The following SRD5A3 variants were observed in gnomAD, a reference collection of about 807,000 sequenced individuals.
SRD5A3 encodes the protein polyprenal reductase.
SRD5A3 carries 24 observed loss-of-function variants against 34.3 expected under a neutral mutation model. That is an observed-to-expected ratio of 0.70 (90% confidence interval 0.51 to 0.99). The LOEUF (loss-of-function observed/expected upper bound fraction) is 0.99, where lower values mean the gene tolerates loss of function less well. Ranked by LOEUF, SRD5A3 falls within the 50% of genes least tolerant of loss-of-function variation. The pLI is 0.00. For missense variants in SRD5A3, 350 were observed against 388.2 expected, an observed-to-expected ratio of 0.90 and a Z score of 0.83; for synonymous variants, 161 against 167.3, an observed-to-expected ratio of 0.96 and a Z score of 0.29.
chr4:55,359,598 G>C (rs1377718388), intron 2 of SRD5A3, 110 bp downstream of exon 2: 2 of 1,440,060 alleles, frequency 1.4e-6, no homozygotes, highest in Non-Finnish European at 9.5e-7. Flanking sequence ...TCCTCAGAAG[G>C]GCCTGGGAAG....
intron 2 of SRD5A3, among the ~76,000 whole-genome samples, chr4:55,360,523 A>G (rs910220049): frequency 4.6e-5 from 7 of 152,078 alleles, no homozygotes; most frequent in African/African-American, 1.7e-4. Flanking sequence ...ATAAATAAAT[A>G]AATGAATAAA....
chr4:55,349,333 G>T (rs995979957), intron 1 of SRD5A3, among the ~76,000 whole-genome samples: 1 of 152,182 alleles, frequency 6.6e-6, no homozygotes, highest in African/African-American at 2.4e-5. Context: ...ACTGCACCCG[G>T]CCCTCTAGCA....
At position 55,354,585 on chromosome 4, in the gene SRD5A3, G is replaced by A. The variant is rs116212695; in HGVS notation, c.222-4761G>A. On this transcript the variant is annotated intron_variant, in intron 1 of 4. Transcript: ENST00000264228. ...TCTCTGCTAGTTCTCTCTCTTACCT[G>A]CACTGCCTGTTTCACTCTACCTGGA... Among the ~76,000 whole-genome samples, 1,089 of 152,118 alleles carry A rather than the reference G, an allele frequency of 7.2e-3. 11 individuals carry two copies. The highest frequency in any genetic ancestry group is 0.024 in the African/African-American group (999 of 41,504).
At chr4:55,348,364 T>A (rs1484541907) in intron 1 of SRD5A3, among the ~76,000 whole-genome samples, 1 of 152,186 alleles carries the variant, frequency 6.6e-6, no homozygotes, top group Non-Finnish European at 1.5e-5. Flanking sequence ...GCATCAAAAC[T>A]GGCAGTGTCT....
At chr4:55,352,133 T>C in intron 1 of SRD5A3, 1 of 818,836 alleles carries the variant, frequency 1.2e-6, no homozygotes, top group Non-Finnish European at 2.2e-6. Context: ...ATACAGACAG[T>C]CCATCATTGA....
chr4:55,367,472 A>G, intron 3 of SRD5A3, 116 bp from the exon 4 acceptor site: 1 of 1,205,938 alleles, frequency 8.3e-7, no homozygotes, highest in Non-Finnish European at 1.2e-6. Context: ...AAATTATATT[A>G]GGATATTGAG....
At chr4:55,349,374 T>G in intron 1 of SRD5A3, among the ~76,000 whole-genome samples, 1 of 152,172 alleles carries the variant, frequency 6.6e-6, no homozygotes, top group African/African-American at 2.4e-5. Flanking sequence ...AAGTTCATAA[T>G]TGCTACAGTT....
chr4:55,351,959 A>G (rs1560365968), intron 1 of SRD5A3: 8 of 744,432 alleles, frequency 1.1e-5, no homozygotes, highest in Non-Finnish European at 2.0e-5. Context: ...ACTTATGCTG[A>G]ATTACTCTCT....
At chr4:55,357,414 C>T (rs1377854809) in intron 1 of SRD5A3, among the ~76,000 whole-genome samples, 2 of 152,230 alleles carry the variant, frequency 1.3e-5, no homozygotes, top group Non-Finnish European at 2.9e-5. Context: ...TGCAGAACAG[C>T]ATGTTCTTGA....
Position 55,346,360 on chromosome 4 carries a change from G to A in SRD5A3, c.24G>A (p.Glu8=). Residue 8 remains glutamate (E), a synonymous_variant, in exon 1 of 5, where the codon GAG becomes GAA. Transcript: ENST00000264228. ...CCATGGCTCCCTGGGCGGAGGCCGA[G>A]CACTCGGCGCTGAACCCGCTGCGCG... is the stretch of plus-strand genomic sequence containing the variant. The part of the protein sequence containing the change: MAPWAEA[E]HSALNPLRAV... 16 of 1,531,896 alleles carry A rather than the reference G, an allele frequency of 1.0e-5. No homozygotes were observed. The highest frequency in any genetic ancestry group is 1.4e-5 in the Non-Finnish European group (16 of 1,141,756). 94.9% of individuals were successfully genotyped at this position (1,531,896 alleles called of 1,614,324 possible). A position where few individuals can be genotyped will look rare whatever the true frequency, so the allele number is the denominator to read the frequency against.
At position 55,346,387 on chromosome 4, in the gene SRD5A3, G is replaced by T. The variant is rs201123766; in HGVS notation, c.51G>T (p.Ala17=). Residue 17 remains alanine, a synonymous_variant, in exon 1 of 5, where the codon GCG becomes GCT. Coordinates refer to ENST00000264228, the MANE Select transcript of SRD5A3 (RefSeq NM_024592.5). ...AEHSALNPLR[A]VWLTLTAAFL... The stretch of plus-strand genomic sequence containing the variant: ...ACTCGGCGCTGAACCCGCTGCGCGC[G>T]GTGTGGCTCACGCTGACCGCCGCCT... 4.3e-5 allele frequency: 67 copies of T among 1,575,952 alleles called. No individual in the cohort carries two copies. In the African/African-American group the frequency reaches 8.6e-4, roughly 20 times the overall value.
chr4:55,353,545 C>T (rs925042745), intron 1 of SRD5A3, among the ~76,000 whole-genome samples: 1 of 152,244 alleles, frequency 6.6e-6, no homozygotes, highest in Non-Finnish European at 1.5e-5. Flanking sequence ...GGGTCCCCTT[C>T]TACCCTGTGG....
intron 1 of SRD5A3, among the ~76,000 whole-genome samples, chr4:55,349,285 C>T (rs753452805): frequency 6.6e-5 from 10 of 152,198 alleles, no homozygotes; most frequent in Non-Finnish European, 1.3e-4. Context: ...ATCCACCCAC[C>T]TTGGCCTCCC....
chr4:55,351,484 A>G (rs1428188665), intron 1 of SRD5A3, among the ~76,000 whole-genome samples: 1 of 152,002 alleles, frequency 6.6e-6, no homozygotes, highest in Non-Finnish European at 1.5e-5. Flanking sequence ...AGGCTGAGGC[A>G]TATTTTTCTG....
intron 3 of SRD5A3, 190 bp downstream of exon 3, chr4:55,364,461 A>T: frequency 1.5e-6 from 1 of 647,032 alleles, no homozygotes; most frequent in Non-Finnish European, 2.7e-6. Context: ...CTGTAATCCC[A>T]CCACTTTGGG....
rs772068226 is a variant in SRD5A3, at chr4:55,346,565, C to T, written c.221+8C>T. The T allele has an allele frequency of 6.4e-7, 1 of 1,571,528 alleles. No homozygotes were observed. Among genetic ancestry groups the T allele is most frequent in the Non-Finnish European group, 8.6e-7 (1 of 1,159,866 alleles). On this transcript the variant is annotated splice_region_variant and intron_variant, in intron 1 of 4. Transcript: ENST00000264228. ...CTTTGATGTCCCCAAGAGGTAACCGCGCCCCGGTCCCGAGCCGCGGTGGTC... is the reference window on the plus strand; with the variant it reads ...CTTTGATGTCCCCAAGAGGTAACCGTGCCCCGGTCCCGAGCCGCGGTGGTC...
At chr4:55,367,810 TA>T (rs1719961783) in intron 4 of SRD5A3, 88 bp downstream of exon 4, 1 of 1,527,508 alleles carries the variant, frequency 6.5e-7, no homozygotes, top group Non-Finnish European at 9.0e-7. Context: ...CTTCCTGCCC[TA>T]GTTAGTTGAC....
At chr4:55,348,676 A>T (rs1170424091) in intron 1 of SRD5A3, among the ~76,000 whole-genome samples, 2 of 152,168 alleles carry the variant, frequency 1.3e-5, no homozygotes, top group East Asian at 1.9e-4. Context: ...GCCTTTCCTC[A>T]TTTAATCCTC....
At chr4:55,365,658 C>G (rs1266482656) in intron 3 of SRD5A3, 1 of 152,228 alleles carries the variant, frequency 6.6e-6, no homozygotes, top group East Asian at 1.9e-4. Flanking sequence ...TTCTGCCTTC[C>G]CTCCTGCGTA....
Sources: gnomAD v4.1 joint callset for allele counts (sites outside exome capture counted in the v4.1 genomes callset) on GRCh38, gnomAD v4.1.1 for gene constraint, MANE v1.5 for transcripts, NCBI Gene and HGNC (gene_info 2026-07-23, HGNC 2026-07-21) for gene names.